Variants in SLC5A1 observed in about 807,000 individuals in gnomAD.
SLC5A1 encodes sodium/glucose cotransporter 1.
Under a neutral mutation model 73.5 loss-of-function variants are expected in SLC5A1, and 42 were observed. The observed-to-expected ratio is 0.57, with a 90% CI of 0.45 to 0.74. SLC5A1 has a LOEUF of 0.74. Ranked by LOEUF, SLC5A1 falls within the 30% of genes least tolerant of loss-of-function variation. The pLI is 0.00. For missense variants in SLC5A1, 634 were observed against 855.4 expected (o/e 0.74, Z 3.23); for synonymous variants, 300 against 317.4 (o/e 0.95, Z 0.58).
At position 32,111,343 on chromosome 22, in the gene SLC5A1, A is replaced by G. The variant is rs1334323206; in HGVS notation, c.*1130A>G. ...TTCCTTTTGTCTGTGTCCTAAATCT[A>G]CTCTTCTGATAAGGACATCAGTCAT... On this transcript the variant is annotated 3_prime_UTR_variant, in exon 15 of 15. Coordinates refer to ENST00000266088, the MANE Select transcript of SLC5A1 (RefSeq NM_000343.4). 6.6e-6 allele frequency: 1 copy of G among 151,680 alleles called. No individual in the cohort carries two copies. Among genetic ancestry groups the G allele is most frequent in the African/African-American group, 2.4e-5 (1 of 41,246 alleles). 9.4% of individuals were successfully genotyped at this position (151,680 alleles called of 1,614,324 possible).
intron 2 of SLC5A1, among the ~76,000 whole-genome samples, chr22:32,065,666 T>A (rs2149487453): frequency 6.6e-6 from 1 of 152,344 alleles, no homozygotes; most frequent in Non-Finnish European, 1.5e-5. Flanking sequence ...GATGCTAAGT[T>A]AATATTTGTT....
At chr22:32,074,816 G>A (rs1053370252) in intron 5 of SLC5A1, among the ~76,000 whole-genome samples, 2 of 152,112 alleles carry the variant, frequency 1.3e-5, no homozygotes, top group African/African-American at 2.4e-5. Flanking sequence ...TGCTGGTCTC[G>A]TCATTTAGTC....
chr22:32,056,564 T>A (rs1374890859), intron 2 of SLC5A1, among the ~76,000 whole-genome samples: 1 of 151,652 alleles, frequency 6.6e-6, no homozygotes, highest in East Asian at 1.9e-4. Context: ...CTTAACTGTA[T>A]ATCTCGTGTT....
intron 2 of SLC5A1, among the ~76,000 whole-genome samples, chr22:32,059,825 G>A (rs79738052): frequency 0.045 from 6,830 of 152,060 alleles, 207 homozygotes; most frequent in Non-Finnish European, 0.07. Flanking sequence ...ATTTCCAGTC[G>A]AAATATCTTT....
At chr22:32,078,036 T>C (rs1195595362) in intron 5 of SLC5A1, among the ~76,000 whole-genome samples, 1 of 152,226 alleles carries the variant, frequency 6.6e-6, no homozygotes, top group African/African-American at 2.4e-5. Flanking sequence ...GCAATTAGAA[T>C]ATGCGCATCA....
chr22:32,046,703 T>C (rs1226444051), intron 1 of SLC5A1, among the ~76,000 whole-genome samples: 1 of 152,228 alleles, frequency 6.6e-6, no homozygotes, highest in African/African-American at 2.4e-5. Flanking sequence ...TTGTTCCTCA[T>C]CTGGACAGAG....
chr22:32,073,067 CTT>C (rs2149489396), intron 5 of SLC5A1, among the ~76,000 whole-genome samples: 1 of 152,228 alleles, frequency 6.6e-6, no homozygotes, highest in Non-Finnish European at 1.5e-5. Context: ...TATTTTATCT[CTT>C]GTTGCTTATG....
At chr22:32,109,413 C>T (rs1408736396) in intron 14 of SLC5A1, among the ~76,000 whole-genome samples, 1 of 152,126 alleles carries the variant, frequency 6.6e-6, no homozygotes, top group Non-Finnish European at 1.5e-5. Flanking sequence ...TTTGATTAAG[C>T]AGTGCTGATA....
intron 5 of SLC5A1, among the ~76,000 whole-genome samples, chr22:32,076,792 C>T (rs2093991566): frequency 6.6e-6 from 1 of 152,238 alleles, no homozygotes; most frequent in Admixed American, 6.5e-5. Flanking sequence ...CAAGGCGAAG[C>T]AACATGCCCA....
At chr22:32,100,251 G>GT (rs2094034028) in intron 12 of SLC5A1, among the ~76,000 whole-genome samples, 1 of 152,078 alleles carries the variant, frequency 6.6e-6, no homozygotes, top group Non-Finnish European at 1.5e-5. Context: ...GAATCTTTAG[G>GT]TTTTTCTAAA....
At chr22:32,045,670 C>A (rs2093936218) in intron 1 of SLC5A1, among the ~76,000 whole-genome samples, 2 of 152,224 alleles carry the variant, frequency 1.3e-5, no homozygotes, top group Admixed American at 6.5e-5. Context: ...ACAATTCTGC[C>A]TCCTCCAATC....
intron 11 of SLC5A1, among the ~76,000 whole-genome samples, chr22:32,092,996 A>G (rs1348385717): frequency 6.6e-6 from 1 of 152,194 alleles, no homozygotes; most frequent in Non-Finnish European, 1.5e-5. Context: ...AGAGATGAGT[A>G]TCCAGTTTTA....
intron 5 of SLC5A1, among the ~76,000 whole-genome samples, chr22:32,070,360 G>C (rs1292397392): frequency 6.7e-6 from 1 of 148,866 alleles, no homozygotes; most frequent in Non-Finnish European, 1.5e-5. Context: ...GGGTCTTGCT[G>C]TATTACCCAG....
intron 10 of SLC5A1, among the ~76,000 whole-genome samples, chr22:32,091,310 C>T (rs921058132): frequency 8.8e-6 from 1 of 113,436 alleles, no homozygotes; most frequent in African/African-American, 3.2e-5. Flanking sequence ...CACACACACA[C>T]ACACACACAC....
At chr22:32,060,014 T>C (rs868120034) in intron 2 of SLC5A1, among the ~76,000 whole-genome samples, 4 of 137,604 alleles carry the variant, frequency 2.9e-5, no homozygotes, top group Non-Finnish European at 4.7e-5. Context: ...GCCATGGTTA[T>C]ACACACACAC....
At chr22:32,094,812 T>C (rs1036284945) in intron 11 of SLC5A1, among the ~76,000 whole-genome samples, 4 of 151,974 alleles carry the variant, frequency 2.6e-5, no homozygotes, top group African/African-American at 9.7e-5. Flanking sequence ...CATTTATCTT[T>C]TGTATTTTTT....
chr22:32,044,855 A>G (rs1039584699), intron 1 of SLC5A1, among the ~76,000 whole-genome samples: 1 of 151,924 alleles, frequency 6.6e-6, no homozygotes, highest in African/African-American at 2.4e-5. Flanking sequence ...AAAAACTACT[A>G]TTGTCATTTA....
At chr22:32,097,575 C>A (rs1326252983) in intron 11 of SLC5A1, among the ~76,000 whole-genome samples, 6 of 152,116 alleles carry the variant, frequency 3.9e-5, no homozygotes, top group Non-Finnish European at 7.4e-5. Context: ...GTGTTTCTTC[C>A]TATCTAGACC....
chr22:32,099,161 G>T, intron 11 of SLC5A1, 22 bp from the exon 12 acceptor site: 1 of 1,551,368 alleles, frequency 6.4e-7, no homozygotes. Flanking sequence ...TTGACACCTT[G>T]TTGTGGGGGC....
Sources: gnomAD v4.1 joint callset for allele counts (sites outside exome capture counted in the v4.1 genomes callset) on GRCh38, gnomAD v4.1.1 for gene constraint, MANE v1.5 for transcripts, NCBI Gene and HGNC (gene_info 2026-07-23, HGNC 2026-07-21) for gene names.